The following ATP7B variants were observed in gnomAD, a reference collection of about 807,000 sequenced individuals.
ATP7B encodes ATPase copper transporting beta.
A neutral mutation model predicts 118.9 loss-of-function variants in ATP7B; 113 were observed. That is an observed-to-expected ratio of 0.95 (90% CI 0.82 to 1.11). ATP7B has a LOEUF of 1.11. Ranked by LOEUF, ATP7B falls within the 50% of genes most tolerant of loss-of-function variation. ATP7B has a pLI of 0.00. For synonymous variants in ATP7B, 777 were observed against 727.4 expected (o/e 1.07, Z -1.10); for missense variants, 1,867 against 1,871.4 (o/e 1.00, Z 0.04).
At chr13:51,978,443 G>T (rs1271522080) in intron 1 of ATP7B, among the ~76,000 whole-genome samples, 1 of 152,144 alleles carries the variant, frequency 6.6e-6, no homozygotes, top group African/African-American at 2.4e-5. Flanking sequence ...TCTCTGGAGG[G>T]CAATTTGCAA....
intron 5 of ATP7B, among the ~76,000 whole-genome samples, chr13:51,963,749 A>C (rs1163902711): frequency 1.3e-5 from 2 of 149,330 alleles, no homozygotes; most frequent in Non-Finnish European, 3.0e-5. Flanking sequence ...AAAAAAAAAA[A>C]AAAAAAAAAA....
At chr13:51,952,701 G>A (rs1411281732) in intron 9 of ATP7B, among the ~76,000 whole-genome samples, 1 of 152,192 alleles carries the variant, frequency 6.6e-6, no homozygotes, top group Non-Finnish European at 1.5e-5. Context: ...TTAAATATTT[G>A]CATCATTATT....
At position 51,935,011 on chromosome 13, in the gene ATP7B, C is replaced by T. The variant is rs775330670; in HGVS notation, c.4143G>A (p.Leu1381=). ...LQLKCYKKPD[L]ERYEAQAHGH... Reference sequence around the variant, plus strand: ...CATGCGCCTGTGCCTCATACCTCTCCAGGTCAGGCTTCTTATAGCTGGAAA... The same window carrying T: ...CATGCGCCTGTGCCTCATACCTCTCTAGGTCAGGCTTCTTATAGCTGGAAA... The change falls in exon 21 of 21, where the codon CTG becomes CTA. Residue 1381 remains leucine (L), a synonymous_variant. Coordinates refer to ENST00000242839, the MANE Select transcript of ATP7B (RefSeq NM_000053.4). The T allele has an allele frequency of 6.2e-7, 1 of 1,614,014 alleles. No homozygotes were observed. Among genetic ancestry groups the T allele is most frequent in the East Asian group, 2.2e-5 (1 of 44,878 alleles).
chr13:51,981,249 T>C (rs1478724588), intron 1 of ATP7B, among the ~76,000 whole-genome samples: 1 of 152,132 alleles, frequency 6.6e-6, no homozygotes, highest in Non-Finnish European at 1.5e-5. Context: ...GAGACTACAA[T>C]GCAGAAAAGT....
At chr13:51,998,213 G>C (rs1000994773) in intron 1 of ATP7B, among the ~76,000 whole-genome samples, 2 of 152,202 alleles carry the variant, frequency 1.3e-5, no homozygotes, top group Non-Finnish European at 2.9e-5. Flanking sequence ...AACACTGCTG[G>C]AGGACAAGTC....
intron 1 of ATP7B, among the ~76,000 whole-genome samples, chr13:51,987,893 T>C (rs1458490878): frequency 2.0e-5 from 3 of 152,254 alleles, no homozygotes; most frequent in African/African-American, 7.2e-5. Flanking sequence ...CCTTACACCT[T>C]ACACAAAAAT....
At chr13:51,937,702 C>T (rs748851596) in intron 17 of ATP7B, 23 bp from the exon 18 acceptor site, 51 of 1,613,028 alleles carry the variant, frequency 3.2e-5, no homozygotes, top group Non-Finnish European at 1.2e-5. Context: ...GAAGGCAATG[C>T]CTAGTGTTGG....
intron 9 of ATP7B, 51 bp from the exon 10 acceptor site, chr13:51,950,450 G>C (rs769077788): frequency 6.0e-5 from 97 of 1,611,200 alleles, no homozygotes; most frequent in Non-Finnish European, 7.4e-5. Context: ...CGGTCACCGG[G>C]TCAGGTTCTA....
In ATP7B at chr13:51,973,934, C is replaced by T. The variant is rs1951967108; in HGVS notation, c.1285+1G>A. ...GGACATGCCTCAAACACACTACGTA[C>T]CAGAAACGACTGAAGCCTCAAATCC... On this transcript the variant is annotated splice_donor_variant, in intron 2 of 20. Coordinates refer to ENST00000242839, the MANE Select transcript of ATP7B (RefSeq NM_000053.4). LOFTEE classifies it high-confidence loss of function. 6.2e-7 allele frequency: 1 copy of T among 1,614,116 alleles called. No homozygotes were observed. The highest frequency in any genetic ancestry group is 1.1e-5 in the South Asian group (1 of 91,090).
At chr13:51,949,241 G>A (rs1007297593) in intron 12 of ATP7B, among the ~76,000 whole-genome samples, 27 of 152,162 alleles carry the variant, frequency 1.8e-4, no homozygotes, top group Admixed American at 7.2e-4. Context: ...GGGAAGCTGG[G>A]AGGTCAAAGA....
At chr13:51,939,253 C>A (rs1048378165) in intron 16 of ATP7B, 60 bp from the exon 17 acceptor site, 1 of 1,603,328 alleles carries the variant, frequency 6.2e-7, no homozygotes, top group Non-Finnish European at 8.5e-7. Flanking sequence ...CACCAAGATA[C>A]CACACTTGCA....
chr13:52,005,774 C>T (rs1953738061), intron 1 of ATP7B, among the ~76,000 whole-genome samples: 2 of 152,242 alleles, frequency 1.3e-5, no homozygotes, highest in Admixed American at 6.5e-5. Context: ...TATACCAACA[C>T]TCCACTTCTT....
At position 51,950,336 on chromosome 13, in the gene ATP7B, T is replaced by TC. The variant is rs964976261; in HGVS notation, c.2510dup (p.Phe839ValfsTer15). ...GGACTTTCCCATCCACTGGAAACTTTCCCCCAGGGACCACCTTGACGATAT... is the reference window on the plus strand; with the variant it reads ...GGACTTTCCCATCCACTGGAAACTTTCCCCCCAGGGACCACCTTGACGATAT... On this transcript the variant is annotated frameshift_variant, in exon 10 of 21. Transcript: ENST00000242839. LOFTEE classifies it high-confidence loss of function. The TC allele has an allele frequency of 6.2e-7, 1 of 1,613,918 alleles. No individual in the cohort carries two copies. The highest frequency in any genetic ancestry group is 1.3e-5 in the African/African-American group (1 of 74,874).
At chr13:51,944,545 A>G (rs1222663918) in intron 13 of ATP7B, among the ~76,000 whole-genome samples, 3 of 152,216 alleles carry the variant, frequency 2.0e-5, no homozygotes, top group African/African-American at 7.2e-5. Flanking sequence ...AGAAACCCTC[A>G]GTCGGCTGTA....
At position 51,966,879 on chromosome 13, in the gene ATP7B, T is replaced by C. The variant is rs1390028333; in HGVS notation, c.1707+1565A>G. ...TGGCCAAGCCAGATTGTATCATCAC[T>C]TGTGATGGCAGAAACCTCACCACAA... is the stretch of plus-strand genomic sequence containing the variant. On this transcript the variant is annotated intron_variant, in intron 4 of 20. Coordinates refer to ENST00000242839, the MANE Select transcript of ATP7B (RefSeq NM_000053.4). 1.9e-5 allele frequency: 31 copies of C among 1,612,288 alleles called. No individual in the cohort carries two copies. In the East Asian group the frequency reaches 6.9e-4, roughly 36 times the overall value.
chr13:51,993,185 T>C (rs1224194257), intron 1 of ATP7B, among the ~76,000 whole-genome samples: 1 of 152,106 alleles, frequency 6.6e-6, no homozygotes, highest in Non-Finnish European at 1.5e-5. Flanking sequence ...ACGACTGCTT[T>C]TTCTTTATAC....
At chr13:51,957,138 A>G (rs1288613758) in intron 9 of ATP7B, among the ~76,000 whole-genome samples, 9 of 152,182 alleles carry the variant, frequency 5.9e-5, no homozygotes, top group African/African-American at 1.7e-4. Flanking sequence ...TTCTCCTTCA[A>G]TTTTTATTCT....
intron 1 of ATP7B, among the ~76,000 whole-genome samples, chr13:51,984,999 A>G (rs1470624532): frequency 6.6e-6 from 1 of 152,264 alleles, no homozygotes; most frequent in Non-Finnish European, 1.5e-5. Flanking sequence ...CTATGAAGAA[A>G]CTGCATCAAC....
intron 2 of ATP7B, among the ~76,000 whole-genome samples, chr13:51,971,473 T>C (rs756198965): frequency 6.6e-6 from 1 of 152,364 alleles, no homozygotes; most frequent in Non-Finnish European, 1.5e-5. Context: ...TCTAGGTTTA[T>C]TTAATCAAAT....
Sources: allele counts gnomAD v4.1 joint callset (sites outside exome capture counted in the v4.1 genomes callset), GRCh38; gene constraint gnomAD v4.1.1; transcripts MANE v1.5; gene names NCBI Gene and HGNC (gene_info 2026-07-23, HGNC 2026-07-21).